KIAA1217: variants seen among roughly 807,000 people sequenced by gnomAD.
The protein encoded by KIAA1217 is sickle tail protein homolog.
Under a neutral mutation model 163.9 loss-of-function variants are expected in KIAA1217, and 88 were observed. The observed-to-expected ratio is 0.54, with a 90% CI of 0.45 to 0.64. The LOEUF (loss-of-function observed/expected upper bound fraction) is 0.64, where lower values mean the gene tolerates loss of function less well. Ranked by LOEUF, KIAA1217 falls within the 30% of genes least tolerant of loss-of-function variation. KIAA1217 has a pLI of 0.00. For synonymous variants in KIAA1217, 903 were observed against 923.1 expected (o/e 0.98, Z 0.39); for missense variants, 2,372 against 2,475.0 (o/e 0.96, Z 0.88).
At chr10:24,280,286 T>A (rs2077760066) in intron 2 of KIAA1217, among the ~76,000 whole-genome samples, 1 of 152,222 alleles carries the variant, frequency 6.6e-6, no homozygotes, top group Non-Finnish European at 1.5e-5. Flanking sequence ...GTCCGTATTT[T>A]AAGGACAAAA....
chr10:24,169,161 T>C (rs993940547), intron 2 of KIAA1217, among the ~76,000 whole-genome samples: 4 of 152,268 alleles, frequency 2.6e-5, no homozygotes, highest in African/African-American at 9.6e-5. Context: ...GATCTTCATT[T>C]ATTATTTATC....
chr10:24,312,309 T>TAA lies in KIAA1217; in HGVS notation c.355-68543_355-68542dup, dbSNP rs1228932678. 4.3e-4 allele frequency among the ~76,000 whole-genome samples: 56 copies of TAA among 131,086 alleles called. No individual in the cohort carries two copies. In the South Asian group the frequency reaches 6.0e-3, roughly 14 times the overall value. 86.0% of individuals were successfully genotyped at this position (131,086 alleles called of 152,430 possible). A position where few individuals can be genotyped will look rare whatever the true frequency, so the allele number is the denominator to read the frequency against. On this transcript the variant is annotated intron_variant, in intron 2 of 20. Transcript: ENST00000376454. ...AAAGTGGAACTTCATGTCATAGATT[T>TAA]AAAAAAAAAAAAAAAAAAGGCTGGG...
At chr10:23,786,934 G>C (rs1835520345) in intron 1 of KIAA1217, among the ~76,000 whole-genome samples, 1 of 152,176 alleles carries the variant, frequency 6.6e-6, no homozygotes, top group Admixed American at 6.5e-5. Flanking sequence ...CTTCTGTAGA[G>C]GAGGCTGAAT....
intron 5 of KIAA1217, among the ~76,000 whole-genome samples, chr10:24,450,854 C>G (rs1284673908): frequency 6.6e-6 from 1 of 152,178 alleles, no homozygotes; most frequent in Non-Finnish European, 1.5e-5. Flanking sequence ...AAGTCCTGGA[C>G]AGCACAGCCT....
intron 17 of KIAA1217, among the ~76,000 whole-genome samples, chr10:24,539,963 G>A (rs2074761234): frequency 6.6e-6 from 1 of 152,062 alleles, no homozygotes. Context: ...AAATCCCAGG[G>A]CCTATAAATA....
At chr10:24,249,560 G>T (rs2074239569) in intron 2 of KIAA1217, among the ~76,000 whole-genome samples, 1 of 152,028 alleles carries the variant, frequency 6.6e-6, no homozygotes, top group African/African-American at 2.4e-5. Context: ...AAATACCACT[G>T]GCTTTTTAAG....
intron 2 of KIAA1217, among the ~76,000 whole-genome samples, chr10:24,265,026 T>A (rs140604675): frequency 6.6e-6 from 1 of 152,164 alleles, no homozygotes; most frequent in African/African-American, 2.4e-5. Context: ...CCCTGCTAAA[T>A]TTTTGTTGTT....
At chr10:23,826,296 G>A (rs1414445) in intron 1 of KIAA1217, among the ~76,000 whole-genome samples, 47,178 of 152,000 alleles carry the variant, frequency 0.31, 8,636 homozygotes, top group African/African-American at 0.5. Context: ...TTAGAAAACA[G>A]TAGCATCTTA....
At position 24,546,481 on chromosome 10, in the gene KIAA1217, C is replaced by G. The variant is rs1391145038; in HGVS notation, c.*157C>G. ...ACTGGATTAATAGATTTCAGTAAAG[C>G]TCGTTCGTTTTGTTTGGTTTTCTTT... On this transcript the variant is annotated 3_prime_UTR_variant, in exon 21 of 21. Transcript: ENST00000376454. 2.4e-6 allele frequency: 2 copies of G among 838,532 alleles called. No homozygotes were observed. The highest frequency in any genetic ancestry group is 1.8e-6 in the Non-Finnish European group (1 of 558,204). 51.9% of individuals were successfully genotyped at this position (838,532 alleles called of 1,614,324 possible). A position where few individuals can be genotyped will look rare whatever the true frequency, so the allele number is the denominator to read the frequency against.
At chr10:24,368,933 G>GTA in intron 2 of KIAA1217, 1 of 817,394 alleles carries the variant, frequency 1.2e-6, no homozygotes, top group Non-Finnish European at 1.5e-6. Context: ...ACTTTATCAA[G>GTA]TAGATATTCT....
Position 23,937,229 on chromosome 10 carries a change from T to C in KIAA1217, c.-320-69996T>C, listed in dbSNP as rs1341591063. ...AGCTAGGTTACATATGATGTAATTA[T>C]AGGGACGGAGCTTTTTAGGAGTGAG... On this transcript the variant is annotated intron_variant, in intron 1 of 18. Transcript: ENST00000376462. Among the ~76,000 whole-genome samples, 4 of 152,176 alleles carry C rather than the reference T, an allele frequency of 2.6e-5. No homozygotes were observed. In the East Asian group the frequency reaches 7.7e-4, roughly 29 times the overall value.
At chr10:24,006,010 A>T (rs1846979759) in intron 1 of KIAA1217, among the ~76,000 whole-genome samples, 1 of 152,212 alleles carries the variant, frequency 6.6e-6, no homozygotes, top group East Asian at 1.9e-4. Context: ...CCTAGACTTC[A>T]CCTGACATCA....
Position 24,473,399 on chromosome 10 carries a change from G to C in KIAA1217, c.1018G>C (p.Val340Leu), listed in dbSNP as rs752982809. The C allele has an allele frequency of 2.5e-6, 4 of 1,613,608 alleles. No individual in the cohort carries two copies. The highest frequency in any genetic ancestry group is 1.3e-5 in the African/African-American group (1 of 74,836). The change falls in exon 6 of 21, where the codon GTT becomes CTT. Residue 340 changes from valine (V) to leucine (L), a missense_variant. By Grantham distance (32) the Val-to-Leu change is conservative (BLOSUM62 1). Transcript: ENST00000376454. ...TTATGGGGGCACCCGCTCCATGGTT[G>C]TTCCTGGCAATGCCACCATCCCCAG... ...IPYGGTRSMVVPGNATIPRDR... is the reference protein window; with the variant it reads ...IPYGGTRSMVLPGNATIPRDR...
intron 6 of KIAA1217, among the ~76,000 whole-genome samples, chr10:24,479,161 G>A (rs2064362376): frequency 6.6e-6 from 1 of 152,190 alleles, no homozygotes; most frequent in African/African-American, 2.4e-5. Flanking sequence ...TCTGTGTACA[G>A]GAGGAAGCCC....
chr10:23,923,537 T>G (rs1353470334), intron 1 of KIAA1217, among the ~76,000 whole-genome samples: 1 of 151,962 alleles, frequency 6.6e-6, no homozygotes, highest in Non-Finnish European at 1.5e-5. Flanking sequence ...TTGTAAGAGG[T>G]GGCAGAAGGA....
intron 2 of KIAA1217, among the ~76,000 whole-genome samples, chr10:24,160,263 CA>C (rs796838668): frequency 6.4e-4 from 95 of 149,526 alleles, no homozygotes; most frequent in South Asian, 4.0e-3. Flanking sequence ...TCAATTTCTA[CA>C]AAAAAAAAGC....
intron 1 of KIAA1217, among the ~76,000 whole-genome samples, chr10:23,700,377 T>C (rs1836356348): frequency 6.6e-6 from 1 of 152,162 alleles, no homozygotes; most frequent in African/African-American, 2.4e-5. Context: ...CTCTCTCTGC[T>C]TCCATCCTTG....
At chr10:23,885,615 A>G (rs565340938) in intron 1 of KIAA1217, among the ~76,000 whole-genome samples, 2 of 151,948 alleles carry the variant, frequency 1.3e-5, no homozygotes, top group Non-Finnish European at 2.9e-5. Context: ...AAAGTCTCTC[A>G]TTCATCTTTA....
chr10:24,220,886 C>T (rs2069539698), intron 2 of KIAA1217, among the ~76,000 whole-genome samples: 1 of 151,008 alleles, frequency 6.6e-6, no homozygotes, highest in African/African-American at 2.4e-5. Context: ...AGCCTCCTGA[C>T]TAGCTAGGAC....
Sources: gnomAD v4.1 joint callset for allele counts (sites outside exome capture counted in the v4.1 genomes callset) on GRCh38, gnomAD v4.1.1 for gene constraint, MANE v1.5 for transcripts, NCBI Gene and HGNC (gene_info 2026-07-23, HGNC 2026-07-21) for gene names.